Variants in PPP1R16B observed in about 807,000 individuals in gnomAD.
PPP1R16B encodes the protein protein phosphatase 1 regulatory inhibitor subunit 16B.
In PPP1R16B, 14 loss-of-function variants were observed where a neutral mutation model predicts 61.7. The observed-to-expected ratio is 0.23, with a 90% CI of 0.15 to 0.35. PPP1R16B has a LOEUF of 0.35. Ranked by LOEUF, PPP1R16B falls within the 10% of genes least tolerant of loss-of-function variation. The pLI is 1.00. For synonymous variants in PPP1R16B, 266 were observed against 305.3 expected, an observed-to-expected ratio of 0.87 and a Z score of 1.34; for missense variants, 547 against 752.5, an observed-to-expected ratio of 0.73 and a Z score of 3.19.
At chr20:38,842,841 A>C (rs919194334) in intron 2 of PPP1R16B, among the ~76,000 whole-genome samples, 3 of 152,180 alleles carry the variant, frequency 2.0e-5, no homozygotes, top group Non-Finnish European at 4.4e-5. Flanking sequence ...AAAAAAAAAA[A>C]AACCCTGTTA....
In PPP1R16B at chr20:38,835,896, C is replaced by G. The variant is rs1360300871; in HGVS notation, c.-30C>G. The G allele has an allele frequency of 3.3e-6, 5 of 1,517,158 alleles. No individual in the cohort carries two copies. In the African/African-American group the frequency reaches 6.9e-5, roughly 21 times the overall value. 94.0% of individuals were successfully genotyped at this position (1,517,158 alleles called of 1,614,324 possible). On this transcript the variant is annotated 5_prime_UTR_variant, in exon 2 of 11. Transcript: ENST00000299824. ...GGCCCCCGGTGCACCGTGCTAGCCC[C>G]CAGCCAGGGCGTTGGGGAGGGCGGT... is the stretch of plus-strand genomic sequence containing the variant.
At chr20:38,815,723 AC>A (rs1229666687) in intron 1 of PPP1R16B, among the ~76,000 whole-genome samples, 1 of 152,254 alleles carries the variant, frequency 6.6e-6, no homozygotes, top group Admixed American at 6.5e-5. Context: ...ATAAGGTTCT[AC>A]AGTAATTTTT....
At chr20:38,889,809 G>A in intron 3 of PPP1R16B, 144 bp downstream of exon 3, 1 of 863,368 alleles carries the variant, frequency 1.2e-6, no homozygotes, top group Admixed American at 2.0e-5. Context: ...CATCTGAAAG[G>A]CTCTTGTCTA....
intron 2 of PPP1R16B, among the ~76,000 whole-genome samples, chr20:38,852,282 T>C (rs977496792): frequency 1.3e-5 from 2 of 152,228 alleles, no homozygotes; most frequent in Non-Finnish European, 2.9e-5. Flanking sequence ...TGATTATAAT[T>C]TGGCGTCCCA....
chr20:38,835,917 G>T lies in PPP1R16B; in HGVS notation c.-9G>T. The stretch of plus-strand genomic sequence containing the variant: ...GCCCCCAGCCAGGGCGTTGGGGAGG[G>T]CGGTGGCCATGGCCAGTCACGTGGA... On this transcript the variant is annotated 5_prime_UTR_variant, in exon 2 of 11. Transcript: ENST00000299824. 1 of 1,533,318 alleles carries T rather than the reference G, an allele frequency of 6.5e-7. No homozygotes were observed. Among genetic ancestry groups the T allele is most frequent in the South Asian group, 1.2e-5 (1 of 83,178 alleles). The allele number at this position is 1,533,318 out of a possible 1,614,324, so 95.0% of individuals were successfully genotyped here.
intron 2 of PPP1R16B, among the ~76,000 whole-genome samples, chr20:38,836,718 T>C (rs1345220954): frequency 1.3e-5 from 2 of 152,094 alleles, no homozygotes; most frequent in African/African-American, 4.8e-5. Flanking sequence ...TATTTAGACA[T>C]AGGGTCTTAC....
intron 2 of PPP1R16B, among the ~76,000 whole-genome samples, chr20:38,874,963 C>A (rs145978623): frequency 1.3e-5 from 2 of 152,340 alleles, no homozygotes; most frequent in Non-Finnish European, 2.9e-5. Context: ...ATGCTAGACT[C>A]AGGGCTGGGC....
chr20:38,907,855 C>G lies in PPP1R16B; in HGVS notation c.948C>G (p.His316Gln). The change falls in exon 9 of 11, where the codon CAC (histidine) becomes CAG (glutamine). Residue 316 changes from histidine (H) to glutamine (Q), a missense_variant. His to Gln is a conservative substitution (Grantham distance 24). Coordinates refer to ENST00000299824, the MANE Select transcript of PPP1R16B (RefSeq NM_015568.4). The surrounding 1 kb of genome is among the most constrained non-coding windows in gnomAD (Gnocchi z 4.5). Reference sequence around the variant, plus strand: ...AGGTCCTGCTGCTGGAGCTAAAACACAAGCATGATGTGATCATGAAGTCAC... The same window carrying G: ...AGGTCCTGCTGCTGGAGCTAAAACAGAAGCATGATGTGATCATGAAGTCAC... ...EFKVLLLELK[H>Q]KHDVIMKSQL... 3 of 1,614,202 alleles carry G rather than the reference C, an allele frequency of 1.9e-6. No individual in the cohort carries two copies. In the South Asian group the frequency reaches 3.3e-5, roughly 18 times the overall value.
At chr20:38,908,445 C>T (rs920667987) in intron 10 of PPP1R16B, among the ~76,000 whole-genome samples, 4 of 152,198 alleles carry the variant, frequency 2.6e-5, no homozygotes, top group African/African-American at 9.7e-5. Context: ...TGCTTTGGCA[C>T]ACAGGTAGGT....
chr20:38,912,311 GA>G (rs1468767466), intron 10 of PPP1R16B, among the ~76,000 whole-genome samples: 1 of 151,756 alleles, frequency 6.6e-6, no homozygotes, highest in African/African-American at 2.4e-5. Context: ...GTTAAGGTGG[GA>G]ATTCTCAAAG....
chr20:38,860,827 T>G (rs2085044463), intron 2 of PPP1R16B, among the ~76,000 whole-genome samples: 1 of 152,148 alleles, frequency 6.6e-6, no homozygotes, highest in South Asian at 2.1e-4. Flanking sequence ...AAATTTTGCT[T>G]TATATACTGG....
intron 1 of PPP1R16B, among the ~76,000 whole-genome samples, chr20:38,811,552 A>C (rs1279670464): frequency 6.6e-6 from 1 of 152,234 alleles, no homozygotes; most frequent in Non-Finnish European, 1.5e-5. Flanking sequence ...ATATTGATGT[A>C]ATATCCAGCA....
At chr20:38,865,764 G>A (rs1200459084) in intron 2 of PPP1R16B, among the ~76,000 whole-genome samples, 1 of 152,176 alleles carries the variant, frequency 6.6e-6, no homozygotes, top group Non-Finnish European at 1.5e-5. Context: ...TGCTTCTGGT[G>A]TAATCCCAGC....
chr20:38,918,146 C>G lies in PPP1R16B; in HGVS notation c.1195-11C>G. ...CCAGCCAGCTGGTAATGTTGTCCTT[C>G]TCACTCGCAGAACCCCAGGCTGGAG... On this transcript the variant is annotated splice_polypyrimidine_tract_variant and intron_variant, in intron 10 of 10. Transcript: ENST00000299824. The surrounding 1 kb of genome is among the most constrained non-coding windows in gnomAD (Gnocchi z 5.3). The G allele has an allele frequency of 6.2e-7, 1 of 1,612,134 alleles. No homozygotes were observed. Among genetic ancestry groups the G allele is most frequent in the African/African-American group, 1.3e-5 (1 of 75,012 alleles).
At chr20:38,839,020 C>T (rs559483943) in intron 2 of PPP1R16B, among the ~76,000 whole-genome samples, 2 of 152,312 alleles carry the variant, frequency 1.3e-5, no homozygotes, top group Non-Finnish European at 2.9e-5. Context: ...CTCTGCCTCC[C>T]GGGTTCAAGC....
intron 2 of PPP1R16B, among the ~76,000 whole-genome samples, chr20:38,855,929 T>G (rs1482493345): frequency 2.3e-3 from 125 of 54,616 alleles, no homozygotes; most frequent in Non-Finnish European, 3.1e-3. Context: ...TATATATATA[T>G]ATATATATAT....
intron 2 of PPP1R16B, among the ~76,000 whole-genome samples, chr20:38,885,057 A>AAAAAAG (rs1555806870): frequency 7.0e-6 from 1 of 142,648 alleles, no homozygotes; most frequent in Non-Finnish European, 1.5e-5. Flanking sequence ...AAAAAAAAAA[A>AAAAAAG]AAGAAGAAGA....
chr20:38,918,718 G>C lies in PPP1R16B; in HGVS notation c.*52G>C. ...CCTGGGGAGGGGCTCCTGGAATCCA[G>C]GCCAGCCCAACAGCCCTGGCTGGGG... is the stretch of plus-strand genomic sequence containing the variant. On this transcript the variant is annotated 3_prime_UTR_variant, in exon 11 of 11. Coordinates refer to ENST00000299824, the MANE Select transcript of PPP1R16B (RefSeq NM_015568.4). This position sits in a 1 kb window ranked among gnomAD's most constrained non-coding sequence, Gnocchi z 5.3. 1 of 1,479,170 alleles carries C rather than the reference G, an allele frequency of 6.8e-7. No homozygotes were observed. The highest frequency in any genetic ancestry group is 8.9e-7 in the Non-Finnish European group (1 of 1,119,220). 91.6% of individuals were successfully genotyped at this position (1,479,170 alleles called of 1,614,324 possible).
chr20:38,808,851 G>T (rs1397454678), intron 1 of PPP1R16B, among the ~76,000 whole-genome samples: 6 of 152,032 alleles, frequency 3.9e-5, no homozygotes, highest in Non-Finnish European at 8.8e-5. Context: ...TGGCCAACAT[G>T]GTGAAACCCC....
Sources: allele counts gnomAD v4.1 joint callset (sites outside exome capture counted in the v4.1 genomes callset), GRCh38; gene constraint gnomAD v4.1.1; non-coding constraint Gnocchi (gnomAD v3.1); transcripts MANE v1.5; gene names NCBI Gene and HGNC (gene_info 2026-07-23, HGNC 2026-07-21).